Variants in ZNF26 observed in about 807,000 individuals in gnomAD.
ZNF26 encodes epididymis luminal protein 179.
ZNF26 carries 32 observed loss-of-function variants against 54.9 expected under a neutral mutation model. The ratio of observed to expected loss-of-function variants is 0.58; its 90% confidence interval spans 0.44 to 0.78. ZNF26 has a LOEUF of 0.78. Among genes scored for constraint, ZNF26 ranks in the 30% least tolerant of loss-of-function variants. ZNF26 has a pLI of 0.00. For missense variants in ZNF26, 524 were observed against 634.0 expected, an observed-to-expected ratio of 0.83 and a Z score of 1.86; for synonymous variants, 221 against 209.2, an observed-to-expected ratio of 1.06 and a Z score of -0.49.
At chr12:132,990,461 G>C (rs940021029) in intron 1 of ZNF26, among the ~76,000 whole-genome samples, 4 of 152,142 alleles carry the variant, frequency 2.6e-5, no homozygotes, top group Admixed American at 2.0e-4. Flanking sequence ...CTAGTATTTT[G>C]TTGAGGATTT....
rs1275969468 is a variant in ZNF26, at chr12:133,018,796, A to G, written c.*7315A>G. On this transcript the variant is annotated 3_prime_UTR_variant, in exon 4 of 4. Coordinates refer to ENST00000328654, the MANE Select transcript of ZNF26 (RefSeq NM_019591.4). Reference sequence around the variant, plus strand: ...TTTATTTTATTTTATTTATTTATTTATAGAGATGGAGGTATCAAACTCCAG... The same window carrying G: ...TTTATTTTATTTTATTTATTTATTTGTAGAGATGGAGGTATCAAACTCCAG... 3.3e-5 allele frequency: 5 copies of G among 152,008 alleles called. No homozygotes were observed. Among genetic ancestry groups the G allele is most frequent in the African/African-American group, 7.3e-5 (3 of 41,352 alleles). The allele number at this position is 152,008 out of a possible 1,614,324, so 9.4% of individuals were successfully genotyped here. A position where few individuals can be genotyped will look rare whatever the true frequency, so the allele number is the denominator to read the frequency against.
rs1953508359 is a variant in ZNF26 at position 133,012,654 on chromosome 12, A to C, written c.*1173A>C. ...GTCCTCCAGGCTGGAATGCAATGGC[A>C]TGATCTCAGCTCACTGCAACTTCCA... On this transcript the variant is annotated 3_prime_UTR_variant, in exon 4 of 4. Coordinates refer to ENST00000328654, the MANE Select transcript of ZNF26 (RefSeq NM_019591.4). The C allele has an allele frequency of 8.1e-6, 1 of 123,496 alleles. No individual in the cohort carries two copies. Among genetic ancestry groups the C allele is most frequent in the South Asian group, 2.7e-4 (1 of 3,724 alleles). The allele number at this position is 123,496 out of a possible 1,614,324, so 7.7% of individuals were successfully genotyped here. A position where few individuals can be genotyped will look rare whatever the true frequency, so the allele number is the denominator to read the frequency against.
At chr12:132,988,091 C>T (rs1952865187) in intron 1 of ZNF26, among the ~76,000 whole-genome samples, 1 of 152,214 alleles carries the variant, frequency 6.6e-6, no homozygotes. Context: ...TCACTGCAAC[C>T]TCTGCCTCCC....
intron 1 of ZNF26, among the ~76,000 whole-genome samples, chr12:133,000,289 G>T (rs1953182027): frequency 6.6e-6 from 1 of 151,836 alleles, no homozygotes; most frequent in African/African-American, 2.4e-5. Flanking sequence ...GTCTTGCTCT[G>T]TTGCCCAGGC....
Position 133,001,548 on chromosome 12 carries a change from T to A in ZNF26, c.34-5494T>A. 2 of 702,102 alleles carry A rather than the reference T, an allele frequency of 2.8e-6. No homozygotes were observed. The highest frequency in any genetic ancestry group is 4.3e-6 in the Non-Finnish European group (2 of 466,040). 43.5% of individuals were successfully genotyped at this position (702,102 alleles called of 1,614,324 possible). On this transcript the variant is annotated intron_variant, in intron 1 of 3. Transcript: ENST00000328654. The surrounding 1 kb of genome is among the most constrained non-coding windows in gnomAD (Gnocchi z 4.7). Reference sequence around the variant, plus strand: ...AGGGCTCTGCCCTGCAGTTCCATGGTGTATGTGATTCTTTCTCTCACTGCA... The same window carrying A: ...AGGGCTCTGCCCTGCAGTTCCATGGAGTATGTGATTCTTTCTCTCACTGCA...
Position 132,993,617 on chromosome 12 carries a change from G to A in ZNF26, c.33+6744G>A, listed in dbSNP as rs903083727. ...ACTACAGGTGCACTCCACCATGCCCGGCTGATTTTTGTATTTTTAGTAGAG... is the reference window on the plus strand; with the variant it reads ...ACTACAGGTGCACTCCACCATGCCCAGCTGATTTTTGTATTTTTAGTAGAG... On this transcript the variant is annotated intron_variant, in intron 1 of 3. Coordinates refer to ENST00000328654, the MANE Select transcript of ZNF26 (RefSeq NM_019591.4). 1.1e-4 allele frequency among the ~76,000 whole-genome samples: 16 copies of A among 151,692 alleles called. No individual in the cohort carries two copies. The East Asian group carries it at 1.2e-3, about 11-fold the overall frequency.
At chr12:132,989,468 A>G (rs1198212511) in intron 1 of ZNF26, among the ~76,000 whole-genome samples, 1 of 152,088 alleles carries the variant, frequency 6.6e-6, no homozygotes, top group Non-Finnish European at 1.5e-5. Context: ...ATTGTTTTGG[A>G]TTTTGGATTT....
intron 1 of ZNF26, chr12:133,005,933 G>C (rs1953314888): frequency 4.8e-6 from 1 of 208,418 alleles, no homozygotes; most frequent in African/African-American, 2.4e-5. Context: ...TCTTTTCGGT[G>C]TCTGAAATAT....
chr12:133,001,497 A>G lies in ZNF26; in HGVS notation c.34-5545A>G. ...AGTACCCAGAGTTATGACAGGCATC[A>G]GTGGGGCTTGGTTGGAGCCTCTGAC... On this transcript the variant is annotated intron_variant, in intron 1 of 3. Coordinates refer to ENST00000328654, the MANE Select transcript of ZNF26 (RefSeq NM_019591.4). The surrounding 1 kb of genome is among the most constrained non-coding windows in gnomAD (Gnocchi z 4.7). The G allele has an allele frequency of 2.6e-6, 1 of 377,610 alleles. No homozygotes were observed. Among genetic ancestry groups the G allele is most frequent in the Non-Finnish European group, 5.1e-6 (1 of 197,996 alleles). The allele number at this position is 377,610 out of a possible 1,614,324, so 23.4% of individuals were successfully genotyped here.
chr12:133,000,982 A>G (rs1953207331), intron 1 of ZNF26, among the ~76,000 whole-genome samples: 1 of 152,052 alleles, frequency 6.6e-6, no homozygotes, highest in African/African-American at 2.4e-5. Flanking sequence ...TCCCTCTTCC[A>G]TCCTGTGTCC....
chr12:132,986,851 G>C lies in ZNF26; in HGVS notation c.11G>C (p.Ser4Thr). The change falls in exon 1 of 4, where the codon AGT becomes ACT. Residue 4 changes from serine (S) to threonine (T), a missense_variant. By Grantham distance (58) the Ser-to-Thr change is moderately conservative (BLOSUM62 1). Coordinates refer to ENST00000328654, the MANE Select transcript of ZNF26 (RefSeq NM_019591.4). Reference sequence around the variant, plus strand: ...AACGTGGGCGTGGGGATGGCCACCAGTTTCCGGACAGCTTCGTGCTGGGTA... The same window carrying C: ...AACGTGGGCGTGGGGATGGCCACCACTTTCCGGACAGCTTCGTGCTGGGTA... MAT[S>T]FRTASCWGLL... 1 of 1,607,736 alleles carries C rather than the reference G, an allele frequency of 6.2e-7. No homozygotes were observed. Among genetic ancestry groups the C allele is most frequent in the Non-Finnish European group, 8.5e-7 (1 of 1,177,218 alleles).
intron 3 of ZNF26, among the ~76,000 whole-genome samples, chr12:133,007,866 C>G (rs1467485959): frequency 6.6e-6 from 1 of 152,154 alleles, no homozygotes; most frequent in African/African-American, 2.4e-5. Flanking sequence ...TTTCCCCTCA[C>G]TTGATGTGGC....
chr12:133,014,543 T>G lies in ZNF26; in HGVS notation c.*3062T>G, dbSNP rs1408661062. On this transcript the variant is annotated 3_prime_UTR_variant, in exon 4 of 4. Transcript: ENST00000328654. ...TTGCTTTCTGTTTTTTTTTTTGTTT[T>G]GTTTTGTTTTTTTTTTTTTTTGAGA... 6.6e-6 allele frequency: 1 copy of G among 151,060 alleles called. No homozygotes were observed. Among genetic ancestry groups the G allele is most frequent in the Admixed American group, 6.6e-5 (1 of 15,192 alleles). The allele number at this position is 151,060 out of a possible 1,614,324, so 9.4% of individuals were successfully genotyped here. A position where few individuals can be genotyped will look rare whatever the true frequency, so the allele number is the denominator to read the frequency against.
At position 133,010,498 on chromosome 12, in the gene ZNF26, T is replaced by C; in HGVS notation, c.619T>C (p.Cys207Arg). The C allele has an allele frequency of 6.2e-7, 1 of 1,614,064 alleles. No individual in the cohort carries two copies. The highest frequency in any genetic ancestry group is 8.5e-7 in the Non-Finnish European group (1 of 1,179,994). The change falls in exon 4 of 4, where the codon TGT becomes CGT. Residue 207 changes from cysteine (C) to arginine (R), a missense_variant. Cys to Arg is a radical substitution (Grantham distance 180, BLOSUM62 -3). Transcript: ENST00000328654. ...AGAGAGACCTTATGAATGCAGTAAA[T>C]GTGAAAGAGCCTTCAGTGCCAAGTC... ...TGERPYECSK[C>R]ERAFSAKSNL... is the part of the protein sequence containing the mutation.
chr12:133,005,724 C>G (rs1219065232), intron 1 of ZNF26: 3 of 152,182 alleles, frequency 2.0e-5, no homozygotes, highest in African/African-American at 7.2e-5. Flanking sequence ...GAAGAGAGAC[C>G]TGAGCTGGCA....
intron 1 of ZNF26, 115 bp downstream of exon 1, chr12:132,986,988 G>T: frequency 3.3e-6 from 4 of 1,196,044 alleles, no homozygotes; most frequent in Non-Finnish European, 2.4e-6. Flanking sequence ...TGTGTGCGTA[G>T]TTTACTAGAC....
At position 133,011,544 on chromosome 12, in the gene ZNF26, A is replaced by ATTTT; in HGVS notation, c.*66_*67insTTTT. The ATTTT allele has an allele frequency of 6.9e-7, 1 of 1,459,336 alleles. No individual in the cohort carries two copies. Among genetic ancestry groups the ATTTT allele is most frequent in the Non-Finnish European group, 9.0e-7 (1 of 1,105,102 alleles). The allele number at this position is 1,459,336 out of a possible 1,614,324, so 90.4% of individuals were successfully genotyped here. Reference sequence around the variant, plus strand: ...GGAGACTTCGGATAATATAGACAGGATTTACAAGCAGGAGGCCCTAAAATT... The same window carrying ATTTT: ...GGAGACTTCGGATAATATAGACAGGATTTTTTTACAAGCAGGAGGCCCTAAAATT... On this transcript the variant is annotated 3_prime_UTR_variant, in exon 4 of 4. Coordinates refer to ENST00000328654, the MANE Select transcript of ZNF26 (RefSeq NM_019591.4).
intron 1 of ZNF26, among the ~76,000 whole-genome samples, chr12:132,989,126 T>C (rs1388573566): frequency 7.7e-6 from 1 of 129,608 alleles, no homozygotes; most frequent in Non-Finnish European, 1.6e-5. Flanking sequence ...AACCTCCACC[T>C]CCTGGGTTCA....
At chr12:132,992,384 A>AT (rs1209907576) in intron 1 of ZNF26, among the ~76,000 whole-genome samples, 5 of 151,082 alleles carry the variant, frequency 3.3e-5, no homozygotes, top group East Asian at 2.0e-4. Context: ...TAGGTAAGGT[A>AT]TTTTTTTTCA....
Sources: gnomAD v4.1 joint callset for allele counts (sites outside exome capture counted in the v4.1 genomes callset) on GRCh38, gnomAD v4.1.1 for gene constraint, Gnocchi (gnomAD v3.1) non-coding constraint, MANE v1.5 for transcripts, NCBI Gene and HGNC (gene_info 2026-07-23, HGNC 2026-07-21) for gene names.